The following MRTFA variants were observed in gnomAD, a reference collection of about 807,000 sequenced individuals.
MRTFA encodes the protein myocardin related transcription factor A, also known as myocardin-related transcription factor A.
A neutral mutation model predicts 83.5 loss-of-function variants in MRTFA; 20 were observed. That is an observed-to-expected ratio of 0.24 (90% CI 0.17 to 0.35). The LOEUF (loss-of-function observed/expected upper bound fraction) is 0.35. Ranked by LOEUF, MRTFA falls within the 10% of genes least tolerant of loss-of-function variation. The pLI, the probability that MRTFA is intolerant of heterozygous loss-of-function variation, is 1.00. For missense variants in MRTFA, 1,200 were observed against 1,224.7 expected, an observed-to-expected ratio of 0.98 and a Z score of 0.30; for synonymous variants, 659 against 541.2, an observed-to-expected ratio of 1.22 and a Z score of -3.02.
chr22:40,580,164 C>A (rs1272112646), intron 2 of MRTFA, among the ~76,000 whole-genome samples: 1 of 151,816 alleles, frequency 6.6e-6, no homozygotes, highest in Non-Finnish European at 1.5e-5. Context: ...TATGTAAGCC[C>A]AATAATTTTT....
intron 1 of MRTFA, among the ~76,000 whole-genome samples, chr22:40,628,735 C>T (rs1184375431): frequency 6.6e-6 from 1 of 152,154 alleles, no homozygotes; most frequent in Non-Finnish European, 1.5e-5. Flanking sequence ...ATGAGCCGGC[C>T]TTAAATACTG....
intron 1 of MRTFA, among the ~76,000 whole-genome samples, chr22:40,605,992 T>A (rs2056315143): frequency 6.6e-6 from 1 of 152,200 alleles, no homozygotes. Context: ...CTTCCTTGAG[T>A]GTTTCAGGAG....
chr22:40,478,703 C>A (rs2054039139), intron 3 of MRTFA, among the ~76,000 whole-genome samples: 1 of 152,106 alleles, frequency 6.6e-6, no homozygotes, highest in African/African-American at 2.4e-5. Flanking sequence ...TCTGGGATAC[C>A]AAGGTACAAC....
At chr22:40,566,604 G>A (rs2055707656) in intron 2 of MRTFA, among the ~76,000 whole-genome samples, 1 of 152,132 alleles carries the variant, frequency 6.6e-6, no homozygotes, top group Non-Finnish European at 1.5e-5. Flanking sequence ...GCCCAAGGCT[G>A]ATGGATCACT....
chr22:40,588,415 T>C (rs1027335770), intron 2 of MRTFA, among the ~76,000 whole-genome samples: 3 of 152,226 alleles, frequency 2.0e-5, no homozygotes, highest in African/African-American at 4.8e-5. Context: ...GCTATTGGCA[T>C]TTTGGGTGAA....
intron 3 of MRTFA, among the ~76,000 whole-genome samples, chr22:40,492,645 C>T (rs2054289494): frequency 1.3e-5 from 2 of 152,172 alleles, no homozygotes; most frequent in South Asian, 4.1e-4. Flanking sequence ...ACAAAGCCTG[C>T]ACCCAAAATG....
At chr22:40,610,043 CTT>C (rs966206904) in intron 1 of MRTFA, among the ~76,000 whole-genome samples, 3 of 124,588 alleles carry the variant, frequency 2.4e-5, no homozygotes, top group Non-Finnish European at 3.4e-5. Flanking sequence ...TTTTTTTTCT[CTT>C]TTTTTTTTTT....
chr22:40,493,374 T>C (rs1053370654), intron 3 of MRTFA, among the ~76,000 whole-genome samples: 5 of 152,184 alleles, frequency 3.3e-5, no homozygotes, highest in Non-Finnish European at 5.9e-5. Flanking sequence ...GATCAATCTG[T>C]TCCACTAGGA....
chr22:40,457,469 AGAAAGAAAGAAAGAAAGAAG>A lies in MRTFA; in HGVS notation c.307+5732_307+5751del, dbSNP rs1170337589. ...AAGAAAGAAAGAAAGAAAGAAAGAAAGAAAGAAAGAAAGAAAGAAGGAAAGAAAGAAAGAGAAAGAAAGAA... is the reference window on the plus strand; with the variant it reads ...AAGAAAGAAAGAAAGAAAGAAAGAAAGAAAGAAAGAAAGAGAAAGAAAGAA... On this transcript the variant is annotated intron_variant, in intron 4 of 14. Transcript: ENST00000355630. 3.0e-3 allele frequency among the ~76,000 whole-genome samples: 446 copies of A among 150,970 alleles called. 3 individuals carry two copies. The highest frequency in any genetic ancestry group is 0.019 in the East Asian group (95 of 4,920).
chr22:40,410,488 G>A lies in MRTFA; in HGVS notation c.*902C>T, dbSNP rs936298618. On this transcript the variant is annotated 3_prime_UTR_variant, in exon 15 of 15. Transcript: ENST00000355630. The stretch of plus-strand genomic sequence containing the variant: ...GAAGCTCCTCCTGTCCTAGGGCCAC[G>A]CTGGCTGCAGTGAGGCGGCGGGGAC... 6.4e-5 allele frequency: 15 copies of A among 232,906 alleles called. No homozygotes were observed. Among genetic ancestry groups the A allele is most frequent in the Middle Eastern group, 1.2e-3 (1 of 802 alleles). The allele number at this position is 232,906 out of a possible 1,614,324, so 14.4% of individuals were successfully genotyped here. A position where few individuals can be genotyped will look rare whatever the true frequency, so the allele number is the denominator to read the frequency against.
Position 40,545,670 on chromosome 22 carries a change from C to A in MRTFA, c.241+6436G>T, listed in dbSNP as rs540845603. 3.3e-5 allele frequency among the ~76,000 whole-genome samples: 5 copies of A among 149,988 alleles called. 1 individual carries two copies. In the South Asian group the frequency reaches 1.1e-3, roughly 32 times the overall value. On this transcript the variant is annotated intron_variant, in intron 3 of 14. Coordinates refer to ENST00000355630, the MANE Select transcript of MRTFA (RefSeq NM_020831.6). ...CTGGTCTCAAACTCCTGACCTCAGG[C>A]GATCCACCCACCTCGGCCTCCCAAA... is the stretch of plus-strand genomic sequence containing the variant.
intron 1 of MRTFA, among the ~76,000 whole-genome samples, chr22:40,623,318 C>CT (rs133042): frequency 9.0e-4 from 136 of 150,684 alleles, no homozygotes; most frequent in African/African-American, 1.1e-3. Context: ...AGGATACTGT[C>CT]TTTTTTTTTT....
At chr22:40,498,963 T>A (rs181202426) in intron 3 of MRTFA, among the ~76,000 whole-genome samples, 1 of 152,294 alleles carries the variant, frequency 6.6e-6, no homozygotes, top group Non-Finnish European at 1.5e-5. Flanking sequence ...CAATAATCAG[T>A]GTGTTGGGTA....
chr22:40,532,271 A>G (rs779690338), intron 3 of MRTFA, among the ~76,000 whole-genome samples: 9 of 152,270 alleles, frequency 5.9e-5, no homozygotes, highest in Non-Finnish European at 1.3e-4. Context: ...GATGATCTGT[A>G]AGTAACAAGG....
chr22:40,486,905 C>T (rs2054183178), intron 3 of MRTFA, among the ~76,000 whole-genome samples: 1 of 152,016 alleles, frequency 6.6e-6, no homozygotes, highest in Non-Finnish European at 1.5e-5. Context: ...CCTAGGGGGT[C>T]AAGGCTGCAG....
intron 3 of MRTFA, among the ~76,000 whole-genome samples, chr22:40,495,673 C>T (rs975166017): frequency 4.7e-5 from 7 of 148,940 alleles, no homozygotes; most frequent in Non-Finnish European, 7.4e-5. Flanking sequence ...GCAGGAGAGT[C>T]GCTTGAACCG....
intron 3 of MRTFA, among the ~76,000 whole-genome samples, chr22:40,547,517 A>G (rs1279690139): frequency 6.6e-6 from 1 of 152,130 alleles, no homozygotes; most frequent in Non-Finnish European, 1.5e-5. Context: ...AAATAGCAAG[A>G]AGTCAGTGTG....
intron 3 of MRTFA, among the ~76,000 whole-genome samples, chr22:40,495,083 T>C (rs574956469): frequency 2.6e-5 from 4 of 151,700 alleles, no homozygotes; most frequent in Non-Finnish European, 5.9e-5. Context: ...TAGTTAAGAG[T>C]ACAGGCTTGG....
At chr22:40,472,098 T>C (rs186157280) in intron 3 of MRTFA, among the ~76,000 whole-genome samples, 9 of 152,306 alleles carry the variant, frequency 5.9e-5, no homozygotes, top group Admixed American at 4.6e-4. Flanking sequence ...GAACCAAATA[T>C]TCTGTATCCT....
Sources: gnomAD v4.1 joint callset for allele counts (sites outside exome capture counted in the v4.1 genomes callset) on GRCh38, gnomAD v4.1.1 for gene constraint, MANE v1.5 for transcripts, NCBI Gene and HGNC (gene_info 2026-07-23, HGNC 2026-07-21) for gene names.